NEGR1: variants seen among roughly 807,000 people sequenced by gnomAD.
The protein encoded by NEGR1 is IgLON family member 4.
Under a neutral mutation model 40.9 loss-of-function variants are expected in NEGR1, and 10 were observed. The observed-to-expected ratio is 0.24, with a 90% CI of 0.15 to 0.42. NEGR1 has a LOEUF of 0.42. NEGR1 is among the 10% of genes least tolerant of loss of function. The pLI, the probability that NEGR1 is intolerant of heterozygous loss-of-function variation, is 1.00. For synonymous variants in NEGR1, 185 were observed against 166.8 expected (o/e 1.11, Z -0.84); for missense variants, 352 against 438.9 (o/e 0.80, Z 1.77).
chr1:71,437,324 T>G (rs1199350438), intron 6 of NEGR1, among the ~76,000 whole-genome samples: 1 of 152,128 alleles, frequency 6.6e-6, no homozygotes, highest in Non-Finnish European at 1.5e-5. Context: ...ATAGGTAATA[T>G]GTTCTAAAAT....
intron 1 of NEGR1, among the ~76,000 whole-genome samples, chr1:71,951,586 T>TA (rs1646070817): frequency 6.6e-6 from 1 of 151,962 alleles, no homozygotes; most frequent in African/African-American, 2.4e-5. Flanking sequence ...CTAGAAAATT[T>TA]AAAAATATAA....
In NEGR1 at chr1:71,756,047, T is replaced by A. The variant is rs557562844; in HGVS notation, c.535+20125A>T. On this transcript the variant is annotated intron_variant, in intron 3 of 6. Coordinates refer to ENST00000357731, the MANE Select transcript of NEGR1 (RefSeq NM_173808.3). ...GTCATATGATGAAATTGAGTCTCACTGTTTTTTAATACATGAGAGATATCC... is the reference window on the plus strand; with the variant it reads ...GTCATATGATGAAATTGAGTCTCACAGTTTTTTAATACATGAGAGATATCC... Among the ~76,000 whole-genome samples, 68 of 152,302 alleles carry A rather than the reference T, an allele frequency of 4.5e-4. 1 individual carries two copies. The South Asian group carries it at 0.013, about 29-fold the overall frequency.
At chr1:71,673,107 C>T (rs1326762321) in intron 4 of NEGR1, among the ~76,000 whole-genome samples, 1 of 151,972 alleles carries the variant, frequency 6.6e-6, no homozygotes, top group Non-Finnish European at 1.5e-5. Flanking sequence ...GGCATTTTGG[C>T]GGGCGCCTGT....
chr1:72,222,645 T>A (rs894879732), intron 1 of NEGR1, among the ~76,000 whole-genome samples: 2 of 152,068 alleles, frequency 1.3e-5, no homozygotes, highest in African/African-American at 4.8e-5. Flanking sequence ...TCTGGACAGG[T>A]ATGTTAATGG....
intron 6 of NEGR1, among the ~76,000 whole-genome samples, chr1:71,456,109 T>C (rs563744880): frequency 6.6e-6 from 1 of 152,168 alleles, no homozygotes; most frequent in Admixed American, 6.5e-5. Context: ...TTCCAAGATT[T>C]CTTTAAGGTT....
At chr1:72,253,618 G>C (rs994125484) in intron 1 of NEGR1, among the ~76,000 whole-genome samples, 6 of 152,106 alleles carry the variant, frequency 3.9e-5, no homozygotes, top group Non-Finnish European at 7.4e-5. Context: ...ATAAATGCTG[G>C]AATACTGTTA....
chr1:72,119,772 A>C (rs1046152912), intron 1 of NEGR1, among the ~76,000 whole-genome samples: 9 of 151,948 alleles, frequency 5.9e-5, no homozygotes, highest in African/African-American at 1.9e-4. Flanking sequence ...ACAGCCTCCC[A>C]AAACAAGTAA....
At chr1:72,256,026 T>G (rs2100537982) in intron 1 of NEGR1, among the ~76,000 whole-genome samples, 1 of 152,332 alleles carries the variant, frequency 6.6e-6, no homozygotes, top group South Asian at 2.1e-4. Flanking sequence ...GCTAAATTAT[T>G]TAATGCACTC....
chr1:72,190,442 A>G (rs564462015), intron 1 of NEGR1, among the ~76,000 whole-genome samples: 1 of 151,740 alleles, frequency 6.6e-6, no homozygotes, highest in South Asian at 2.1e-4. Flanking sequence ...ATAATTAGCG[A>G]TGAATTACAT....
chr1:72,264,535 A>G (rs549647115), intron 1 of NEGR1, among the ~76,000 whole-genome samples: 3 of 113,042 alleles, frequency 2.7e-5, no homozygotes, highest in South Asian at 2.5e-4. Flanking sequence ...ATTAGTCACT[A>G]TAAATGATTA....
At chr1:71,447,567 T>C (rs7537744) in intron 6 of NEGR1, among the ~76,000 whole-genome samples, 5,297 of 152,282 alleles carry the variant, frequency 0.035, 320 homozygotes, top group African/African-American at 0.12. Context: ...ATCTTTTCTA[T>C]CTGCTGGATT....
chr1:71,936,385 C>T (rs1005054330), intron 1 of NEGR1, among the ~76,000 whole-genome samples: 5 of 151,922 alleles, frequency 3.3e-5, no homozygotes, highest in Non-Finnish European at 5.9e-5. Flanking sequence ...TTTAGTCTAG[C>T]GAGGAAGACA....
At chr1:71,542,938 C>T (rs113611737) in intron 6 of NEGR1, among the ~76,000 whole-genome samples, 2,436 of 151,632 alleles carry the variant, frequency 0.016, 40 homozygotes, top group Middle Eastern at 0.065. Context: ...ACTGTGTGTA[C>T]GTATATATAG....
rs201280054 is a variant in NEGR1 at position 72,155,248 on chromosome 1, T to C, written c.176+127071A>G. 3.0e-4 allele frequency among the ~76,000 whole-genome samples: 45 copies of C among 152,106 alleles called. No homozygotes were observed. In the East Asian group the frequency reaches 5.0e-3, roughly 17 times the overall value. On this transcript the variant is annotated intron_variant, in intron 1 of 6. Transcript: ENST00000357731. ...GCATCTCTCTTTAGTAATAAAACTG[T>C]TCACTTCAAATGTTAGCAGTTAAAG...
At chr1:71,775,039 TTA>T (rs1394752169) in intron 3 of NEGR1, among the ~76,000 whole-genome samples, 1 of 152,178 alleles carries the variant, frequency 6.6e-6, no homozygotes, top group African/African-American at 2.4e-5. Context: ...CAGTTAAAAT[TTA>T]ATTCTAACTC....
chr1:71,552,001 G>A (rs571910823), intron 6 of NEGR1, among the ~76,000 whole-genome samples: 1 of 151,068 alleles, frequency 6.6e-6, no homozygotes, highest in African/African-American at 2.4e-5. Flanking sequence ...TCTTTCCTTG[G>A]TCTAACTAGA....
chr1:71,577,532 T>C (rs1268006934), intron 6 of NEGR1, among the ~76,000 whole-genome samples: 1 of 152,170 alleles, frequency 6.6e-6, no homozygotes, highest in Admixed American at 6.5e-5. Context: ...ATACACATAG[T>C]AGTGGCCAGG....
At chr1:71,974,506 A>C (rs1451915315) in intron 1 of NEGR1, among the ~76,000 whole-genome samples, 1 of 152,142 alleles carries the variant, frequency 6.6e-6, no homozygotes, top group Non-Finnish European at 1.5e-5. Flanking sequence ...CTACAAATTG[A>C]CATAAAATTA....
chr1:71,592,253 A>G (rs1253032929), intron 6 of NEGR1, among the ~76,000 whole-genome samples: 1 of 152,146 alleles, frequency 6.6e-6, no homozygotes, highest in East Asian at 1.9e-4. Context: ...GAAGTAAGAT[A>G]CATTAGAAAT....
Sources: allele counts gnomAD v4.1 joint callset (sites outside exome capture counted in the v4.1 genomes callset), GRCh38; gene constraint gnomAD v4.1.1; transcripts MANE v1.5; gene names NCBI Gene and HGNC (gene_info 2026-07-23, HGNC 2026-07-21).